Variants in NTNG1 observed in about 807,000 individuals in gnomAD.
NTNG1 encodes the protein netrin G1, also known as netrin-G1.
NTNG1 carries 16 observed loss-of-function variants against 54.0 expected under a neutral mutation model. The observed-to-expected ratio is 0.30, with a 90% CI of 0.20 to 0.45. The LOEUF is 0.45. NTNG1 is among the 20% of genes least tolerant of loss of function. NTNG1 has a pLI of 1.00. For synonymous variants in NTNG1, 255 were observed against 263.1 expected, an observed-to-expected ratio of 0.97 and a Z score of 0.30; for missense variants, 530 against 678.7, an observed-to-expected ratio of 0.78 and a Z score of 2.43.
intron 2 of NTNG1, among the ~76,000 whole-genome samples, chr1:107,210,701 A>G (rs918457697): frequency 6.6e-6 from 1 of 150,904 alleles, no homozygotes; most frequent in Non-Finnish European, 1.5e-5. Flanking sequence ...AAAATTGATT[A>G]TGTGTCACTG....
intron 2 of NTNG1, among the ~76,000 whole-genome samples, chr1:107,283,782 G>A (rs185105577): frequency 1.8e-4 from 27 of 152,228 alleles, no homozygotes; most frequent in African/African-American, 6.3e-4. Context: ...ATAACAGATG[G>A]AGTTCAAGAA....
chr1:107,460,555 C>T (rs1677220955), intron 7 of NTNG1: 1 of 407,820 alleles, frequency 2.5e-6, no homozygotes, highest in South Asian at 1.9e-5. Flanking sequence ...AGCAACTTGG[C>T]TGCACTGCTG....
intron 2 of NTNG1, among the ~76,000 whole-genome samples, chr1:107,165,223 G>A (rs1439574501): frequency 6.6e-6 from 1 of 152,158 alleles, no homozygotes; most frequent in Non-Finnish European, 1.5e-5. Context: ...AAGGGGCGAA[G>A]AGAACCAGGA....
intron 2 of NTNG1, among the ~76,000 whole-genome samples, chr1:107,156,310 C>T (rs561815916): frequency 6.6e-6 from 1 of 152,250 alleles, no homozygotes; most frequent in African/African-American, 2.4e-5. Flanking sequence ...ACTGAAATCT[C>T]TCTCTTTTTC....
chr1:107,347,394 A>G (rs1669313247), intron 3 of NTNG1, among the ~76,000 whole-genome samples: 1 of 152,200 alleles, frequency 6.6e-6, no homozygotes, highest in African/African-American at 2.4e-5. Flanking sequence ...GGGTGCCTGT[A>G]GCACCAGCTA....
intron 7 of NTNG1, among the ~76,000 whole-genome samples, chr1:107,447,702 T>C (rs796130958): frequency 5.3e-5 from 8 of 152,206 alleles, no homozygotes; most frequent in African/African-American, 1.9e-4. Context: ...GTTCAATACG[T>C]CCTTTCAAAT....
In NTNG1 at chr1:107,342,162, T is replaced by C. The variant is rs182305113; in HGVS notation, c.887+17240T>C. Among the ~76,000 whole-genome samples, 598 of 152,192 alleles carry C rather than the reference T, an allele frequency of 3.9e-3. 4 individuals carry two copies. The highest frequency in any genetic ancestry group is 0.014 in the African/African-American group (568 of 41,552). On this transcript the variant is annotated intron_variant, in intron 3 of 7. Coordinates refer to ENST00000370068, the MANE Select transcript of NTNG1 (RefSeq NM_001113226.3). ...TAAAAGCAAAGTAGACTTATGAAAA[T>C]AAGCATTTTGGTGGGTTTAGGAATA...
intron 1 of NTNG1, chr1:107,142,928 T>C (rs1203535496): frequency 6.6e-6 from 1 of 152,172 alleles, no homozygotes; most frequent in African/African-American, 2.4e-5. Flanking sequence ...GAAAAGCAGC[T>C]CAGTAACTGT....
intron 4 of NTNG1, among the ~76,000 whole-genome samples, chr1:107,404,679 A>T (rs972416532): frequency 6.6e-6 from 1 of 152,166 alleles, no homozygotes; most frequent in South Asian, 2.1e-4. Context: ...GTGCCCTCAG[A>T]TCTGTCAGGC....
At chr1:107,212,160 G>C (rs151073654) in intron 2 of NTNG1, among the ~76,000 whole-genome samples, 1,733 of 152,186 alleles carry the variant, frequency 0.011, 21 homozygotes, top group Middle Eastern at 0.037. Context: ...TATAGAGCAA[G>C]TAGCCCCATT....
intron 3 of NTNG1, among the ~76,000 whole-genome samples, chr1:107,368,128 A>G (rs1160066065): frequency 2.0e-5 from 3 of 151,982 alleles, no homozygotes; most frequent in African/African-American, 7.3e-5. Flanking sequence ...TTCTATCTTC[A>G]TGTCCCCATT....
chr1:107,470,181 G>A (rs1022266970), intron 7 of NTNG1, among the ~76,000 whole-genome samples: 1 of 152,090 alleles, frequency 6.6e-6, no homozygotes, highest in Non-Finnish European at 1.5e-5. Flanking sequence ...ATAATTGGTA[G>A]TCCTACTAGA....
chr1:107,450,297 T>A (rs925884484), intron 7 of NTNG1, among the ~76,000 whole-genome samples: 1 of 152,116 alleles, frequency 6.6e-6, no homozygotes, highest in Admixed American at 6.6e-5. Context: ...AAATATTTAG[T>A]GTTGAAAAAT....
intron 2 of NTNG1, among the ~76,000 whole-genome samples, chr1:107,187,861 G>C (rs1657582124): frequency 6.6e-6 from 1 of 152,156 alleles, no homozygotes; most frequent in Non-Finnish European, 1.5e-5. Flanking sequence ...ATTGGAGCAG[G>C]AAGGAGTGAA....
chr1:107,274,989 A>C (rs1664369958), intron 2 of NTNG1, among the ~76,000 whole-genome samples: 1 of 152,084 alleles, frequency 6.6e-6, no homozygotes, highest in African/African-American at 2.4e-5. Flanking sequence ...TGTAGCTCTT[A>C]CCATATCTTT....
intron 3 of NTNG1, among the ~76,000 whole-genome samples, chr1:107,352,470 G>T (rs762360324): frequency 6.6e-6 from 1 of 152,112 alleles, no homozygotes; most frequent in Non-Finnish European, 1.5e-5. Context: ...CTCAAATGGG[G>T]ACTCTGAGTG....
At chr1:107,379,062 C>A (rs1325768571) in intron 3 of NTNG1, among the ~76,000 whole-genome samples, 1 of 152,188 alleles carries the variant, frequency 6.6e-6, no homozygotes, top group East Asian at 1.9e-4. Flanking sequence ...TTTCATTCCT[C>A]TGAGGTAATT....
At chr1:107,263,755 C>A (rs1663533173) in intron 2 of NTNG1, among the ~76,000 whole-genome samples, 1 of 152,170 alleles carries the variant, frequency 6.6e-6, no homozygotes, top group South Asian at 2.1e-4. Context: ...GAGTTATGCT[C>A]ACGGCACTTG....
chr1:107,340,046 G>A (rs1402251420), intron 3 of NTNG1, among the ~76,000 whole-genome samples: 6 of 152,022 alleles, frequency 3.9e-5, no homozygotes, highest in African/African-American at 1.2e-4. Flanking sequence ...GAGGACAGAC[G>A]CTTTCTGGAT....
Sources: gnomAD v4.1 joint callset for allele counts (sites outside exome capture counted in the v4.1 genomes callset) on GRCh38, gnomAD v4.1.1 for gene constraint, MANE v1.5 for transcripts, NCBI Gene and HGNC (gene_info 2026-07-23, HGNC 2026-07-21) for gene names.